STRN3: variants seen among roughly 807,000 people sequenced by gnomAD.
STRN3 encodes the protein striatin 3, also known as striatin-3.
Under a neutral mutation model 95.6 loss-of-function variants are expected in STRN3, and 29 were observed. The observed-to-expected ratio is 0.30, with a 90% CI of 0.23 to 0.41. The LOEUF is 0.41. Ranked by LOEUF, STRN3 falls within the 10% of genes least tolerant of loss-of-function variation. The pLI, the probability that STRN3 is intolerant of heterozygous loss-of-function variation, is 1.00. For missense variants in STRN3, 890 were observed against 972.1 expected (o/e 0.92, Z 1.12); for synonymous variants, 331 against 357.6 (o/e 0.93, Z 0.84).
chr14:30,942,717 C>T (rs538920720), intron 5 of STRN3, among the ~76,000 whole-genome samples: 109 of 152,032 alleles, frequency 7.2e-4, no homozygotes, highest in Admixed American at 2.8e-3. Context: ...ACAACCATAC[C>T]CTACCATAAA....
chr14:30,997,018 A>G (rs1324933279), intron 1 of STRN3, among the ~76,000 whole-genome samples: 1 of 152,212 alleles, frequency 6.6e-6, no homozygotes, highest in Non-Finnish European at 1.5e-5. Context: ...GACAATAAAA[A>G]AAAAACCTAA....
At chr14:30,945,792 T>C (rs1378591451) in intron 5 of STRN3, among the ~76,000 whole-genome samples, 1 of 152,130 alleles carries the variant, frequency 6.6e-6, no homozygotes, top group Non-Finnish European at 1.5e-5. Context: ...ATCCAGAATA[T>C]ACAAATCTAC....
At chr14:31,000,531 G>C (rs1882396696) in intron 1 of STRN3, among the ~76,000 whole-genome samples, 1 of 139,516 alleles carries the variant, frequency 7.2e-6, no homozygotes, top group Admixed American at 7.1e-5. Context: ...AAAAAAAAAA[G>C]CAAGATTTTA....
Position 31,026,051 on chromosome 14 carries a change from G to A in STRN3, c.135C>T (p.Ala45=). ...CTGCCGCGGGACCCGCTCCCTCGGA[G>A]GCCGGAGGACCCCCGCCGCCCGCCG... ...NGAAGGGGPP[A]SEGAGPAAGP... is the part of the protein sequence containing the mutation. Residue 45 remains alanine (A), a synonymous_variant, in exon 1 of 18, where the codon GCC becomes GCT. Coordinates refer to ENST00000357479, the MANE Select transcript of STRN3 (RefSeq NM_001083893.2). The A allele has an allele frequency of 2.0e-6, 3 of 1,530,568 alleles. No homozygotes were observed. The highest frequency in any genetic ancestry group is 2.6e-5 in the East Asian group (1 of 38,862). 94.8% of individuals were successfully genotyped at this position (1,530,568 alleles called of 1,614,324 possible). A position where few individuals can be genotyped will look rare whatever the true frequency, so the allele number is the denominator to read the frequency against.
chr14:31,012,744 A>C (rs917695258), intron 1 of STRN3, among the ~76,000 whole-genome samples: 1 of 152,046 alleles, frequency 6.6e-6, no homozygotes, highest in Non-Finnish European at 1.5e-5. Flanking sequence ...ATACAAAAAA[A>C]TGAGATGGGT....
At chr14:30,944,149 G>A (rs1879226864) in intron 5 of STRN3, among the ~76,000 whole-genome samples, 1 of 151,864 alleles carries the variant, frequency 6.6e-6, no homozygotes, top group Admixed American at 6.6e-5. Context: ...AAGAGTGAGG[G>A]GGAAAAAAAC....
chr14:30,990,678 G>A (rs1251802876), intron 1 of STRN3, among the ~76,000 whole-genome samples: 1 of 152,060 alleles, frequency 6.6e-6, no homozygotes, highest in Non-Finnish European at 1.5e-5. Flanking sequence ...GCGGTTTCAG[G>A]ACCCTCCTAG....
intron 8 of STRN3, among the ~76,000 whole-genome samples, chr14:30,926,387 CAAT>C (rs1250089091): frequency 4.6e-5 from 7 of 151,768 alleles, no homozygotes; most frequent in South Asian, 2.1e-4. Context: ...TAAATTACAA[CAAT>C]AATATTCTAG....
At chr14:30,899,730 ATCT>A (rs1896252739) in intron 16 of STRN3, among the ~76,000 whole-genome samples, 1 of 151,962 alleles carries the variant, frequency 6.6e-6, no homozygotes, top group Non-Finnish European at 1.5e-5. Flanking sequence ...GCAAAGCTTC[ATCT>A]TGCACATACC....
rs148314557 is a variant in STRN3, at chr14:30,918,261, G to A, written c.1240+705C>T. On this transcript the variant is annotated intron_variant, in intron 9 of 17. Coordinates refer to ENST00000357479, the MANE Select transcript of STRN3 (RefSeq NM_001083893.2). ...TGTGGCTCACACCTGTAATCCCAGC[G>A]CCTTGGGAGCCAAGGTAGGCAGATC... Among the ~76,000 whole-genome samples, 107 of 152,080 alleles carry A rather than the reference G, an allele frequency of 7.0e-4. No homozygotes were observed. The East Asian group carries it at 0.014, about 20-fold the overall frequency.
Position 30,895,597 on chromosome 14 carries a change from A to T in STRN3, c.2225-17T>A. 3.1e-6 allele frequency: 5 copies of T among 1,610,292 alleles called. No homozygotes were observed. Among genetic ancestry groups the T allele is most frequent in the Non-Finnish European group, 4.2e-6 (5 of 1,177,694 alleles). On this transcript the variant is annotated splice_polypyrimidine_tract_variant and intron_variant, in intron 17 of 17. Coordinates refer to ENST00000357479, the MANE Select transcript of STRN3 (RefSeq NM_001083893.2). ...AGTCATGGCCTGTAAAAGAACAAAT[A>T]AAATTTGTTACTGAGTAACAATCTT...
At chr14:30,992,901 G>A (rs1882031010) in intron 1 of STRN3, among the ~76,000 whole-genome samples, 1 of 152,124 alleles carries the variant, frequency 6.6e-6, no homozygotes. Flanking sequence ...TGTTGCCTAG[G>A]CTGGTCTCAA....
chr14:30,900,764 G>GT (rs761049253), intron 16 of STRN3, among the ~76,000 whole-genome samples: 15 of 145,110 alleles, frequency 1.0e-4, no homozygotes, highest in Admixed American at 1.4e-4. Flanking sequence ...AAAAAAAAAG[G>GT]ATTTTTTTTT....
At chr14:30,905,014 G>C (rs986548767) in intron 15 of STRN3, among the ~76,000 whole-genome samples, 1 of 148,370 alleles carries the variant, frequency 6.7e-6, no homozygotes, top group Non-Finnish European at 1.5e-5. Flanking sequence ...TATGGATGAA[G>C]AGAGACCTGA....
chr14:30,977,070 C>CA (rs1386938414), intron 1 of STRN3, among the ~76,000 whole-genome samples: 2 of 151,664 alleles, frequency 1.3e-5, no homozygotes, highest in East Asian at 1.9e-4. Flanking sequence ...ACTAAAAATA[C>CA]AAAAAATTCG....
At chr14:30,958,019 G>A (rs561937631) in intron 1 of STRN3, among the ~76,000 whole-genome samples, 2 of 152,238 alleles carry the variant, frequency 1.3e-5, no homozygotes, top group East Asian at 1.9e-4. Context: ...AATAACTGCT[G>A]TCGTCAAAAA....
At chr14:31,018,288 G>A (rs917298303) in intron 1 of STRN3, among the ~76,000 whole-genome samples, 6 of 152,174 alleles carry the variant, frequency 3.9e-5, no homozygotes, top group Non-Finnish European at 8.8e-5. Context: ...GTAAGCTGCT[G>A]CCACGGGGCC....
intron 13 of STRN3, among the ~76,000 whole-genome samples, chr14:30,910,794 C>T (rs1896587316): frequency 1.3e-5 from 2 of 151,980 alleles, no homozygotes; most frequent in African/African-American, 4.8e-5. Context: ...TTTGTAACTA[C>T]TACCTAAATT....
At chr14:30,956,043 A>T (rs1879885936) in intron 2 of STRN3, 96 bp downstream of exon 2, 2 of 991,046 alleles carry the variant, frequency 2.0e-6, no homozygotes, top group South Asian at 3.2e-5. Flanking sequence ...AAGGATTTGT[A>T]CCTTTCAAAA....
Sources: allele counts gnomAD v4.1 joint callset (sites outside exome capture counted in the v4.1 genomes callset), GRCh38; gene constraint gnomAD v4.1.1; transcripts MANE v1.5; gene names NCBI Gene and HGNC (gene_info 2026-07-23, HGNC 2026-07-21).